Variants in CCDC122 observed in about 807,000 individuals in gnomAD.
CCDC122 encodes the protein coiled-coil domain-containing protein 122.
In CCDC122, 38 loss-of-function variants were observed where a neutral mutation model predicts 37.0. The observed-to-expected ratio is 1.03, with a 90% CI of 0.79 to 1.35. The LOEUF is 1.35. CCDC122 is among the 40% of genes most tolerant of loss of function. The probability of loss-of-function intolerance (pLI) is 0.00; values close to 1 mark genes in which losing one functional copy is unlikely to be tolerated. For missense variants in CCDC122, 305 were observed against 310.0 expected (o/e 0.98, Z 0.12); for synonymous variants, 83 against 95.6 (o/e 0.87, Z 0.77).
chr13:43,863,618 A>G (rs1954182328), intron 4 of CCDC122, among the ~76,000 whole-genome samples: 2 of 152,126 alleles, frequency 1.3e-5, no homozygotes, highest in African/African-American at 4.8e-5. Context: ...CAGGCCTTCC[A>G]TATCTGCAAC....
At chr13:43,839,168 C>G (rs1235856846) in intron 6 of CCDC122, among the ~76,000 whole-genome samples, 3 of 152,186 alleles carry the variant, frequency 2.0e-5, no homozygotes, top group Non-Finnish European at 4.4e-5. Flanking sequence ...TCCATTCCTA[C>G]TCTGTTTCAC....
chr13:43,849,911 T>C (rs1254936279), intron 6 of CCDC122, among the ~76,000 whole-genome samples: 1 of 152,178 alleles, frequency 6.6e-6, no homozygotes, highest in Admixed American at 6.5e-5. Context: ...TACACTGTGG[T>C]GTCGCTGGAG....
chr13:43,842,296 T>G (rs867905853), intron 6 of CCDC122, among the ~76,000 whole-genome samples: 2 of 152,140 alleles, frequency 1.3e-5, no homozygotes, highest in African/African-American at 4.8e-5. Context: ...CATTTGTTGA[T>G]AAGACTTTCC....
At chr13:43,868,586 G>A in intron 4 of CCDC122, 108 bp downstream of exon 4, 1 of 572,158 alleles carries the variant, frequency 1.7e-6, no homozygotes. Context: ...ATAATTGACA[G>A]AGAATAACTT....
downstream of CCDC122, among the ~76,000 whole-genome samples, chr13:43,832,418 C>T (rs1335578744): frequency 5.3e-5 from 8 of 152,088 alleles, no homozygotes; most frequent in Non-Finnish European, 1.0e-4. Flanking sequence ...TGTGGATAAA[C>T]AGTGAATTCC....
intron 4 of CCDC122, among the ~76,000 whole-genome samples, chr13:43,860,744 A>G (rs1299540067): frequency 1.3e-5 from 2 of 152,092 alleles, no homozygotes; most frequent in Non-Finnish European, 2.9e-5. Flanking sequence ...CTCACTCTCT[A>G]TATATGCTCC....
chr13:43,852,759 A>G (rs1953782655), intron 6 of CCDC122, among the ~76,000 whole-genome samples: 1 of 151,916 alleles, frequency 6.6e-6, no homozygotes, highest in Non-Finnish European at 1.5e-5. Context: ...TCACCTACAA[A>G]GGGATACCCA....
At chr13:43,873,936 T>C (rs1954527462) in intron 2 of CCDC122, among the ~76,000 whole-genome samples, 1 of 152,196 alleles carries the variant, frequency 6.6e-6, no homozygotes, top group African/African-American at 2.4e-5. Flanking sequence ...AATTATAGTC[T>C]ATCTCCACTC....
intron 3 of CCDC122, among the ~76,000 whole-genome samples, chr13:43,827,312 C>G (rs1953049289): frequency 6.6e-6 from 1 of 152,086 alleles, no homozygotes; most frequent in South Asian, 2.1e-4. Context: ...TGGAAATAGT[C>G]CAGGAAAAAC....
At chr13:43,837,791 A>G (rs550763675) in intron 6 of CCDC122, among the ~76,000 whole-genome samples, 1 of 152,322 alleles carries the variant, frequency 6.6e-6, no homozygotes, top group East Asian at 1.9e-4. Context: ...AATATCCATA[A>G]TGGAATACCT....
intron 6 of CCDC122, among the ~76,000 whole-genome samples, chr13:43,843,886 C>T (rs964431270): frequency 1.3e-5 from 2 of 151,308 alleles, no homozygotes; most frequent in African/African-American, 4.9e-5. Flanking sequence ...CATAATAGGC[C>T]TTCATCACCC....
At chr13:43,837,747 CAAGTGATGGAGTTTGGGAGGTTAGCAG>C (rs1370652643) in intron 6 of CCDC122, among the ~76,000 whole-genome samples, 1 of 152,010 alleles carries the variant, frequency 6.6e-6, no homozygotes, top group Non-Finnish European at 1.5e-5. Context: ...TCATAGCTAG[CAAGTGATGGAGTTTGGGAGGTTAGCAG>C]AAGTGAAATA....
chr13:43,867,064 T>C, intron 4 of CCDC122, among the ~76,000 whole-genome samples: 2 of 152,188 alleles, frequency 1.3e-5, no homozygotes, highest in Non-Finnish European at 2.9e-5. Flanking sequence ...GTAGAATTTA[T>C]GTAGATGTTC....
At chr13:43,870,431 G>T (rs756264635) in intron 2 of CCDC122, among the ~76,000 whole-genome samples, 1 of 151,962 alleles carries the variant, frequency 6.6e-6, no homozygotes, top group Non-Finnish European at 1.5e-5. Flanking sequence ...CTTTCATCTG[G>T]GTTTCATGGT....
downstream of CCDC122, among the ~76,000 whole-genome samples, chr13:43,823,673 C>T (rs1953012687): frequency 6.6e-6 from 1 of 152,230 alleles, no homozygotes; most frequent in Admixed American, 6.5e-5. Context: ...CTGAAAGCCT[C>T]CTCCATGCGT....
At chr13:43,822,566 G>C (rs1178363786), downstream of CCDC122, among the ~76,000 whole-genome samples, 1 of 152,272 alleles carries the variant, frequency 6.6e-6, no homozygotes, top group African/African-American at 2.4e-5. Flanking sequence ...CAAAGATGCT[G>C]TCTGGGAGCC....
At chr13:43,860,145 T>C (rs1954059207) in intron 4 of CCDC122, 75 bp from the exon 5 acceptor site, 2 of 720,170 alleles carry the variant, frequency 2.8e-6, no homozygotes, top group African/African-American at 3.7e-5. Flanking sequence ...TTTTAATCCA[T>C]AATGAATATA....
chr13:43,836,283 C>G (rs892194343), downstream of CCDC122: 2 of 152,068 alleles, frequency 1.3e-5, no homozygotes, highest in Non-Finnish European at 2.9e-5. Flanking sequence ...ATATGTTAGT[C>G]TATAGTGAGT....
intron 4 of CCDC122, among the ~76,000 whole-genome samples, chr13:43,866,385 T>C (rs1954278075): frequency 6.6e-6 from 1 of 152,180 alleles, no homozygotes; most frequent in Non-Finnish European, 1.5e-5. Context: ...TTTCCAACAC[T>C]TTTCTTCTTC....
Sources: gnomAD v4.1 joint callset for allele counts (sites outside exome capture counted in the v4.1 genomes callset) on GRCh38, gnomAD v4.1.1 for gene constraint, MANE v1.5 for transcripts, NCBI Gene and HGNC (gene_info 2026-07-23, HGNC 2026-07-21) for gene names.